Variants in LRRD1 observed in about 807,000 individuals in gnomAD.
LRRD1 encodes leucine-rich repeat and death domain-containing protein 1.
A neutral mutation model predicts 69.5 loss-of-function variants in LRRD1; 49 were observed. The observed-to-expected ratio is 0.70, with a 90% CI of 0.56 to 0.89. LRRD1 has a LOEUF of 0.89. LRRD1 is among the 40% of genes least tolerant of loss of function. The pLI, the probability that LRRD1 is intolerant of heterozygous loss-of-function variation, is 0.00. For synonymous variants in LRRD1, 303 were observed against 338.9 expected, an observed-to-expected ratio of 0.89 and a Z score of 1.16; for missense variants, 853 against 956.0, an observed-to-expected ratio of 0.89 and a Z score of 1.42.
chr7:92,142,892 A>AGCTGC, downstream of LRRD1: 1 of 346,048 alleles, frequency 2.9e-6, no homozygotes, highest in Non-Finnish European at 5.7e-6. Flanking sequence ...CAGCAGCAAG[A>AGCTGC]TTTATTGCAA....
Position 92,163,536 on chromosome 7 carries a change from A to G in LRRD1, c.1667T>C (p.Ile556Thr), listed in dbSNP as rs1788835294. Residue 556 changes from isoleucine (I) to threonine (T), a missense_variant, in exon 2 of 6, where the codon ATA becomes ACA. Transcript: ENST00000458448. ...KKIPASISNM[I>T]SLHVLILCCN... The stretch of plus-strand genomic sequence containing the variant: ...GCATAAAATAAGTACGTGGAGTGAT[A>G]TCATATTAGAAATTGATGCTGGAAT... The G allele has an allele frequency of 6.5e-7, 1 of 1,528,288 alleles. No homozygotes were observed. Among genetic ancestry groups the G allele is most frequent in the Non-Finnish European group, 8.8e-7 (1 of 1,139,206 alleles). 94.7% of individuals were successfully genotyped at this position (1,528,288 alleles called of 1,614,324 possible).
In LRRD1 at chr7:92,163,880, A is replaced by G; in HGVS notation, c.1323T>C (p.Asn441=). The change falls in exon 2 of 6, where the codon AAT becomes AAC. Residue 441 remains asparagine (N), a synonymous_variant. Transcript: ENST00000458448. ...CTGAAAATTCTAGACTGCATATGTTATTAAGATGTGAGATACAGTCAGTTA... is the reference window on the plus strand; with the variant it reads ...CTGAAAATTCTAGACTGCATATGTTGTTAAGATGTGAGATACAGTCAGTTA... ...VKITDCISHL[N]NICSLEFSGN... is the part of the protein sequence containing the mutation. 1.3e-6 allele frequency: 2 copies of G among 1,521,748 alleles called. No homozygotes were observed. The highest frequency in any genetic ancestry group is 1.8e-6 in the Non-Finnish European group (2 of 1,137,764). 94.3% of individuals were successfully genotyped at this position (1,521,748 alleles called of 1,614,324 possible).
At chr7:92,152,492 A>G (rs1390105252) in intron 3 of LRRD1, among the ~76,000 whole-genome samples, 12 of 152,142 alleles carry the variant, frequency 7.9e-5, no homozygotes, top group Non-Finnish European at 1.3e-4. Flanking sequence ...CATTTCATGT[A>G]AAAGAGTAGT....
At chr7:92,143,406 G>A (rs895651197), downstream of LRRD1, among the ~76,000 whole-genome samples, 7 of 123,412 alleles carry the variant, frequency 5.7e-5, no homozygotes, top group East Asian at 4.1e-4. Flanking sequence ...GGGTCTGGGC[G>A]CCATGGAACC....
rs1788831095 is a variant in LRRD1, at chr7:92,163,456, C to T, written c.1747G>A (p.Val583Ile). The T allele has an allele frequency of 1.3e-6, 2 of 1,541,972 alleles. No homozygotes were observed. The highest frequency in any genetic ancestry group is 2.4e-5 in the East Asian group (1 of 40,834). The change falls in exon 2 of 6, where the codon GTA (valine) becomes ATA (isoleucine). Residue 583 changes from valine (V) to isoleucine (I), a missense_variant. Physicochemically the swap from Val to Ile is conservative, Grantham distance 29. Transcript: ENST00000458448. Reference sequence around the variant, plus strand: ...AATTGGTTTTCCGAAAGATCAAGTACTTGCAAATTTTCTAAAGTACACAAT... The same window carrying T: ...AATTGGTTTTCCGAAAGATCAAGTATTTGCAAATTTTCTAAAGTACACAAT... The part of the protein sequence containing the change: ...RELCTLENLQ[V>I]LDLSENQLQK...
At chr7:92,143,507 C>G (rs1820226965), downstream of LRRD1, among the ~76,000 whole-genome samples, 2 of 152,308 alleles carry the variant, frequency 1.3e-5, no homozygotes, top group South Asian at 2.1e-4. Context: ...GTCCCGAGCC[C>G]TGCCCCGCGG....
chr7:92,146,242 GA>G, intron 4 of LRRD1, 42 bp from the exon 5 acceptor site: 1 of 982,984 alleles, frequency 1.0e-6, no homozygotes, highest in Non-Finnish European at 1.5e-6. Context: ...TTTTGAAAAA[GA>G]TAATCTATTT....
At chr7:92,172,021 A>G (rs964650626) in intron 1 of LRRD1, among the ~76,000 whole-genome samples, 6 of 152,218 alleles carry the variant, frequency 3.9e-5, no homozygotes, top group Admixed American at 3.9e-4. Flanking sequence ...CTACTTAGGA[A>G]GGTGAGATGG....
Position 92,144,877 on chromosome 7 carries a change from T to G in LRRD1, c.*11A>C. On this transcript the variant is annotated 3_prime_UTR_variant, in exon 6 of 6. Coordinates refer to ENST00000458448, the MANE Select transcript of LRRD1 (RefSeq NM_001161528.2). ...ATCAAAAGTTTTCAGTTTTTATTAT[T>G]GATCCACTGGTTAGAATTTAATTGC... The G allele has an allele frequency of 1.4e-6, 2 of 1,441,526 alleles. No individual in the cohort carries two copies. Among genetic ancestry groups the G allele is most frequent in the South Asian group, 3.1e-5 (2 of 64,972 alleles). The allele number at this position is 1,441,526 out of a possible 1,614,324, so 89.3% of individuals were successfully genotyped here.
At chr7:92,142,396 A>T, downstream of LRRD1, 2 of 451,222 alleles carry the variant, frequency 4.4e-6, no homozygotes, top group Non-Finnish European at 8.9e-6. Flanking sequence ...CTCTCTTGGC[A>T]TCCAGCTCTC....
intron 1 of LRRD1, among the ~76,000 whole-genome samples, chr7:92,174,287 A>G (rs1196880449): frequency 6.6e-6 from 1 of 151,556 alleles, no homozygotes; most frequent in Non-Finnish European, 1.5e-5. Context: ...GTTTACAATA[A>G]TCTATTGTAT....
intron 4 of LRRD1, among the ~76,000 whole-genome samples, chr7:92,148,366 C>T (rs928706814): frequency 6.6e-5 from 10 of 152,130 alleles, no homozygotes; most frequent in African/African-American, 2.4e-4. Context: ...GCCACTGCCC[C>T]CAGCCTGTGA....
At position 92,163,301 on chromosome 7, in the gene LRRD1, C is replaced by T; in HGVS notation, c.1902G>A (p.Gln634=). 3 of 1,470,360 alleles carry T rather than the reference C, an allele frequency of 2.0e-6. No individual in the cohort carries two copies. Among genetic ancestry groups the T allele is most frequent in the Non-Finnish European group, 2.7e-6 (3 of 1,112,258 alleles). The allele number at this position is 1,470,360 out of a possible 1,614,324, so 91.1% of individuals were successfully genotyped here. A position where few individuals can be genotyped will look rare whatever the true frequency, so the allele number is the denominator to read the frequency against. Residue 634 remains glutamine (Q), a synonymous_variant, in exon 2 of 6, where the codon CAG becomes CAA. Coordinates refer to ENST00000458448, the MANE Select transcript of LRRD1 (RefSeq NM_001161528.2). The part of the protein sequence containing the change: ...LQSLEQLNIS[Q]IKGRKLTRLP... ...AGTCTCTTACCTTTCTCCCTTTTAT[C>T]TGACTTATATTCAGCTGTTCCAGTG...
At chr7:92,169,431 T>A (rs1789000333) in intron 1 of LRRD1, among the ~76,000 whole-genome samples, 1 of 151,490 alleles carries the variant, frequency 6.6e-6, no homozygotes, top group Non-Finnish European at 1.5e-5. Context: ...GACAGGTGGA[T>A]CATGAGGTGA....
intron 5 of LRRD1, among the ~76,000 whole-genome samples, chr7:92,145,878 AAGTC>A (rs1455921061): frequency 6.6e-6 from 1 of 152,210 alleles, no homozygotes; most frequent in Non-Finnish European, 1.5e-5. Flanking sequence ...TTGTGAGTAA[AAGTC>A]AGTCTGTCCT....
In LRRD1 at chr7:92,163,644, T is replaced by C; in HGVS notation, c.1559A>G (p.Asn520Ser). ...GTGCTCAGAAAATATGAGGAGTTTG[T>C]TTTCACTCAATTCTAAATGAAGCAG... ...KQLLHLELSENKLLIFSEHFC... is the reference protein window; with the variant it reads ...KQLLHLELSESKLLIFSEHFC... Residue 520 changes from asparagine (N) to serine (S), a missense_variant, in exon 2 of 6, where the codon AAC (asparagine) becomes AGC (serine). Coordinates refer to ENST00000458448, the MANE Select transcript of LRRD1 (RefSeq NM_001161528.2). 6.6e-7 allele frequency: 1 copy of C among 1,509,078 alleles called. No individual in the cohort carries two copies. The highest frequency in any genetic ancestry group is 1.4e-5 in the African/African-American group (1 of 70,728). The allele number at this position is 1,509,078 out of a possible 1,614,324, so 93.5% of individuals were successfully genotyped here. A position where few individuals can be genotyped will look rare whatever the true frequency, so the allele number is the denominator to read the frequency against.
Position 92,174,509 on chromosome 7 carries a change from A to ATTT in LRRD1, c.-75+4495_-75+4497dup, listed in dbSNP as rs35052440. 9.3e-4 allele frequency among the ~76,000 whole-genome samples: 12 copies of ATTT among 12,866 alleles called. 3 individuals are homozygous for ATTT. Among genetic ancestry groups the ATTT allele is most frequent in the Non-Finnish European group, 1.1e-3 (7 of 6,176 alleles). 8.4% of individuals were successfully genotyped at this position (12,866 alleles called of 152,430 possible). A position where few individuals can be genotyped will look rare whatever the true frequency, so the allele number is the denominator to read the frequency against. On this transcript the variant is annotated intron_variant, in intron 1 of 5. Transcript: ENST00000458448. ...TATATATATATATATATATATATATATTTTTTTTTTTTTTTTTTTTTTTTT... is the reference window on the plus strand; with the variant it reads ...TATATATATATATATATATATATATATTTTTTTTTTTTTTTTTTTTTTTTTTTT...
At chr7:92,143,039 G>A (rs374248647), downstream of LRRD1, 42 of 213,106 alleles carry the variant, frequency 2.0e-4, no homozygotes, top group African/African-American at 7.9e-4. Flanking sequence ...CAGAGAGCCC[G>A]AGTGGTCTAT....
At chr7:92,150,190 G>A (rs150343399) in intron 4 of LRRD1, among the ~76,000 whole-genome samples, 21 of 152,348 alleles carry the variant, frequency 1.4e-4, no homozygotes, top group African/African-American at 3.8e-4. Flanking sequence ...TTGTGGCTTG[G>A]TGTGGTGGCT....
Sources: gnomAD v4.1 joint callset for allele counts (sites outside exome capture counted in the v4.1 genomes callset) on GRCh38, gnomAD v4.1.1 for gene constraint, MANE v1.5 for transcripts, NCBI Gene and HGNC (gene_info 2026-07-23, HGNC 2026-07-21) for gene names.